The following DYNC2LI1 variants were observed in gnomAD, a reference collection of about 807,000 sequenced individuals.
DYNC2LI1 encodes the protein cytoplasmic dynein 2 light intermediate chain 1.
A neutral mutation model predicts 51.9 loss-of-function variants in DYNC2LI1; 45 were observed. That is an observed-to-expected ratio of 0.87 (90% CI 0.68 to 1.11). The LOEUF (loss-of-function observed/expected upper bound fraction) is 1.11. DYNC2LI1 is among the 50% of genes most tolerant of loss of function. The probability of loss-of-function intolerance (pLI) is 0.00; values close to 1 mark genes in which losing one functional copy is unlikely to be tolerated. For synonymous variants in DYNC2LI1, 130 were observed against 137.8 expected, an observed-to-expected ratio of 0.94 and a Z score of 0.40; for missense variants, 490 against 417.4, an observed-to-expected ratio of 1.17 and a Z score of -1.51.
At chr2:43,808,983 AC>A (rs1666378112) in intron 12 of DYNC2LI1, among the ~76,000 whole-genome samples, 3 of 151,964 alleles carry the variant, frequency 2.0e-5, no homozygotes, top group African/African-American at 7.2e-5. Context: ...ACACACACAC[AC>A]ACACACACAC....
At chr2:43,814,463 A>T, downstream of DYNC2LI1, 3 of 1,536,558 alleles carry the variant, frequency 2.0e-6, no homozygotes, top group Non-Finnish European at 2.7e-6. Context: ...AATATCCCCA[A>T]ATAGAATACT....
chr2:43,782,011 ATGTGTGTGTG>A (rs72178749), intron 2 of DYNC2LI1, among the ~76,000 whole-genome samples: 1 of 148,650 alleles, frequency 6.7e-6, no homozygotes, highest in Non-Finnish European at 1.5e-5. Flanking sequence ...GTTTCTGTCT[ATGTGTGTGTG>A]TGTGTGTGTG....
At chr2:43,809,592 T>C (rs549847993) in intron 12 of DYNC2LI1, 113 bp from the exon 13 acceptor site, 8 of 705,180 alleles carry the variant, frequency 1.1e-5, no homozygotes, top group South Asian at 3.5e-5. Flanking sequence ...TTTAGAATGA[T>C]AATGCTACTA....
At position 43,800,968 on chromosome 2, in the gene DYNC2LI1, ATGT is replaced by A. The variant is rs1181945218; in HGVS notation, c.731+55_731+57del. 2.4e-6 allele frequency: 3 copies of A among 1,243,474 alleles called. No homozygotes were observed. The African/African-American group carries it at 4.5e-5, about 19-fold the overall frequency. 77.0% of individuals were successfully genotyped at this position (1,243,474 alleles called of 1,614,324 possible). On this transcript the variant is annotated intron_variant, in intron 9 of 12. Transcript: ENST00000260605. ...ATTTATTGAGTGATTGATTTAGCCAATGTTGTCTCATCTGATTATTGTTCTACT... is the reference window on the plus strand; with the variant it reads ...ATTTATTGAGTGATTGATTTAGCCAATGTCTCATCTGATTATTGTTCTACT...
At chr2:43,822,738 C>A in the DYNC2LI1 span, 19 of 1,612,268 alleles carry the variant, frequency 1.2e-5, no homozygotes, top group East Asian at 3.8e-4. Context: ...CTGCACGAGT[C>A]CCACTAGCTC....
At chr2:43,808,366 T>A (rs1666347662) in intron 12 of DYNC2LI1, among the ~76,000 whole-genome samples, 1 of 152,168 alleles carries the variant, frequency 6.6e-6, no homozygotes, top group African/African-American at 2.4e-5. Context: ...GTATGAAAGG[T>A]ACGCTCTGCA....
At position 43,787,176 on chromosome 2, in the gene DYNC2LI1, T is replaced by C. The variant is rs969413750; in HGVS notation, c.162-5T>C. The stretch of plus-strand genomic sequence containing the variant: ...ATGATAATACTATCGGCCTTTATTA[T>C]ACAGAGATGAACCACCAAAACCAAC... On this transcript the variant is annotated splice_region_variant and splice_polypyrimidine_tract_variant and intron_variant, in intron 3 of 12. Transcript: ENST00000260605. The C allele has an allele frequency of 2.5e-6, 4 of 1,610,124 alleles. No homozygotes were observed. In the South Asian group the frequency reaches 3.3e-5, roughly 13 times the overall value.
At chr2:43,775,853 AATTT>A in intron 1 of DYNC2LI1, 2 of 96,136 alleles carry the variant, frequency 2.1e-5, no homozygotes, top group Non-Finnish European at 3.7e-5. Flanking sequence ...ACACCTGGCC[AATTT>A]TTTTTTTTTT....
chr2:43,787,315 T>C, intron 4 of DYNC2LI1, 65 bp downstream of exon 4: 3 of 1,349,706 alleles, frequency 2.2e-6, no homozygotes, highest in Non-Finnish European at 3.2e-6. Flanking sequence ...CTGACTTTGT[T>C]TTACATTTTC....
Position 43,774,086 on chromosome 2 carries a change from A to T in DYNC2LI1, c.-53A>T. On this transcript the variant is annotated 5_prime_UTR_variant, in exon 1 of 13. Coordinates refer to ENST00000260605, the MANE Select transcript of DYNC2LI1 (RefSeq NM_016008.4). ...CTTGCGGAGCTCGCCGCCTGATTCT[A>T]GGCTGGTCACTACTCCGAGCCTGTG... 6.2e-7 allele frequency: 1 copy of T among 1,611,698 alleles called. No homozygotes were observed. The highest frequency in any genetic ancestry group is 1.1e-5 in the South Asian group (1 of 90,606).
At chr2:43,789,423 C>G (rs1163947666) in intron 4 of DYNC2LI1, among the ~76,000 whole-genome samples, 3 of 152,052 alleles carry the variant, frequency 2.0e-5, no homozygotes, top group African/African-American at 7.2e-5. Context: ...TTTGTGTACA[C>G]ATATAAACAA....
Position 43,805,151 on chromosome 2 carries a change from C to T in DYNC2LI1, c.901-3C>T, listed in dbSNP as rs748969163. 5 of 1,593,290 alleles carry T rather than the reference C, an allele frequency of 3.1e-6. No homozygotes were observed. In the East Asian group the frequency reaches 1.1e-4, roughly 36 times the overall value. On this transcript the variant is annotated splice_polypyrimidine_tract_variant and splice_region_variant and intron_variant, in intron 11 of 12. Transcript: ENST00000260605. ...GAAGTGATTTTGAGATTTGTAATTT[C>T]AGAGTATTAACACGCTGAAAGATAT...
chr2:43,824,027 C>T, the DYNC2LI1 span: 21 of 1,614,008 alleles, frequency 1.3e-5, no homozygotes, highest in East Asian at 1.1e-4. Context: ...ACCCGCAGAA[C>T]GAAGAAAAGG....
chr2:43,774,202 A>AG (rs1474917498), intron 1 of DYNC2LI1, 56 bp downstream of exon 1: 37 of 1,607,346 alleles, frequency 2.3e-5, no homozygotes, highest in Non-Finnish European at 2.9e-5. Context: ...TCCTGGAGAG[A>AG]GGAAGCCCAG....
chr2:43,785,027 G>A (rs889427861), intron 3 of DYNC2LI1, among the ~76,000 whole-genome samples: 1 of 152,208 alleles, frequency 6.6e-6, no homozygotes, highest in African/African-American at 2.4e-5. Context: ...ACCGGGTGCA[G>A]TGGCTCATGC....
At chr2:43,825,161 C>G in the DYNC2LI1 span, 3 of 990,684 alleles carry the variant, frequency 3.0e-6, no homozygotes, top group African/African-American at 3.3e-5. Flanking sequence ...TTCCCATAAG[C>G]AGTCAGTCCT....
chr2:43,791,698 G>A (rs139298417), intron 5 of DYNC2LI1, among the ~76,000 whole-genome samples: 299 of 152,286 alleles, frequency 2.0e-3, no homozygotes, highest in African/African-American at 6.2e-3. Context: ...TCCTTGTGTT[G>A]GATGAAGTCT....
At chr2:43,782,756 C>T (rs998657979) in intron 2 of DYNC2LI1, among the ~76,000 whole-genome samples, 1 of 151,920 alleles carries the variant, frequency 6.6e-6, no homozygotes, top group African/African-American at 2.4e-5. Context: ...CTGAGGTGGG[C>T]AGATTAGATG....
the DYNC2LI1 span, chr2:43,826,666 C>T: frequency 7.7e-7 from 1 of 1,294,354 alleles, no homozygotes; most frequent in Non-Finnish European, 1.1e-6. Flanking sequence ...AACTGGCTTT[C>T]AGCCTGAGCT....
Sources: allele counts gnomAD v4.1 joint callset (sites outside exome capture counted in the v4.1 genomes callset), GRCh38; gene constraint gnomAD v4.1.1; transcripts MANE v1.5; gene names NCBI Gene and HGNC (gene_info 2026-07-23, HGNC 2026-07-21).